The following DNM3 variants were observed in gnomAD, a reference collection of about 807,000 sequenced individuals.
DNM3 encodes dynamin-3.
Under a neutral mutation model 101.6 loss-of-function variants are expected in DNM3, and 47 were observed. That is an observed-to-expected ratio of 0.46 (90% confidence interval 0.37 to 0.59). The LOEUF (loss-of-function observed/expected upper bound fraction) is 0.59. Among genes scored for constraint, DNM3 ranks in the 20% least tolerant of loss-of-function variants. The pLI is 0.00. For synonymous variants in DNM3, 385 were observed against 387.9 expected (o/e 0.99, Z 0.09); for missense variants, 849 against 1,085.7 (o/e 0.78, Z 3.06).
intron 10 of DNM3, among the ~76,000 whole-genome samples, chr1:172,058,053 T>G (rs1359185669): frequency 5.0e-5 from 7 of 139,122 alleles, no homozygotes; most frequent in African/African-American, 1.7e-4. Flanking sequence ...TCCTAGTCTC[T>G]GATAAAACAG....
intron 1 of DNM3, among the ~76,000 whole-genome samples, chr1:171,887,655 A>G (rs900122769): frequency 3.9e-5 from 6 of 152,096 alleles, no homozygotes; most frequent in Admixed American, 6.5e-5. Flanking sequence ...TGACTGGATA[A>G]AATTCTTTCA....
chr1:172,210,768 A>G (rs1416436466), intron 14 of DNM3, among the ~76,000 whole-genome samples: 2 of 152,150 alleles, frequency 1.3e-5, no homozygotes, highest in Non-Finnish European at 2.9e-5. Flanking sequence ...AAAGCAGATA[A>G]CATATGTCTG....
At chr1:172,330,281 A>G (rs1390916903) in intron 17 of DNM3, among the ~76,000 whole-genome samples, 1 of 152,240 alleles carries the variant, frequency 6.6e-6, no homozygotes, top group Non-Finnish European at 1.5e-5. Flanking sequence ...TATTGATTCA[A>G]CAAAATGCTA....
At position 172,410,396 on chromosome 1, in the gene DNM3, T is replaced by G; in HGVS notation, c.*2555T>G. The G allele has an allele frequency of 6.1e-6, 6 of 985,186 alleles. No homozygotes were observed. Among genetic ancestry groups the G allele is most frequent in the Non-Finnish European group, 7.2e-6 (6 of 829,698 alleles). 61.0% of individuals were successfully genotyped at this position (985,186 alleles called of 1,614,324 possible). A position where few individuals can be genotyped will look rare whatever the true frequency, so the allele number is the denominator to read the frequency against. On this transcript the variant is annotated 3_prime_UTR_variant, in exon 21 of 21. Coordinates refer to ENST00000627582, the MANE Select transcript of DNM3 (RefSeq NM_015569.5). The stretch of plus-strand genomic sequence containing the variant: ...CTCTTAACTGATTGCTCTGATATTG[T>G]AAACACAATAGATGTAGCTCTATCA...
chr1:172,378,996 G>A, intron 17 of DNM3, 22 bp from the exon 18 acceptor site: 1 of 1,602,696 alleles, frequency 6.2e-7, no homozygotes, highest in Non-Finnish European at 8.5e-7. Context: ...GATAATCCAT[G>A]GTTTGTTTTC....
intron 1 of DNM3, among the ~76,000 whole-genome samples, chr1:171,852,024 G>A (rs2033038148): frequency 6.6e-6 from 1 of 152,108 alleles, no homozygotes; most frequent in African/African-American, 2.4e-5. Context: ...CTTTTTATTA[G>A]AGAAGACACA....
chr1:171,879,787 G>A (rs1005253008), intron 1 of DNM3, among the ~76,000 whole-genome samples: 2 of 152,186 alleles, frequency 1.3e-5, no homozygotes, highest in Non-Finnish European at 2.9e-5. Context: ...GTTGTCTTCT[G>A]GGATATTCTA....
intron 13 of DNM3, among the ~76,000 whole-genome samples, chr1:172,120,698 T>C (rs1306992664): frequency 6.6e-6 from 1 of 152,174 alleles, no homozygotes; most frequent in Non-Finnish European, 1.5e-5. Flanking sequence ...TGCCTTTTCT[T>C]ATACCCGGTG....
chr1:171,885,278 A>G (rs867799914), intron 1 of DNM3, among the ~76,000 whole-genome samples: 54 of 152,230 alleles, frequency 3.5e-4, no homozygotes, highest in African/African-American at 1.2e-3. Flanking sequence ...TAAGCAAAAC[A>G]TCAAAACATC....
intron 14 of DNM3, among the ~76,000 whole-genome samples, chr1:172,152,798 G>A (rs776466741): frequency 1.2e-4 from 19 of 152,110 alleles, no homozygotes; most frequent in Non-Finnish European, 2.4e-4. Context: ...TGTGCATGCG[G>A]ACAGAAACTG....
At chr1:172,401,273 C>T (rs2070465148) in intron 20 of DNM3, among the ~76,000 whole-genome samples, 1 of 152,158 alleles carries the variant, frequency 6.6e-6, no homozygotes, top group Non-Finnish European at 1.5e-5. Flanking sequence ...ATTCTTTTTA[C>T]AGATCATAAA....
chr1:172,073,292 CATATAAGT>C (rs958173535), intron 11 of DNM3, among the ~76,000 whole-genome samples: 4 of 132,434 alleles, frequency 3.0e-5, no homozygotes, highest in South Asian at 2.5e-4. Context: ...TATATATACA[CATATAAGT>C]ATATGTGTAC....
intron 12 of DNM3, among the ~76,000 whole-genome samples, chr1:172,083,280 G>A (rs549039569): frequency 2.0e-5 from 3 of 152,154 alleles, no homozygotes; most frequent in Non-Finnish European, 2.9e-5. Context: ...TAGTGGGTGG[G>A]GGGGGAATGT....
chr1:171,940,222 G>A (rs1334993075), intron 2 of DNM3, among the ~76,000 whole-genome samples: 1 of 152,102 alleles, frequency 6.6e-6, no homozygotes, highest in Non-Finnish European at 1.5e-5. Context: ...AATTGTGTTA[G>A]TTTAATATTA....
At chr1:172,390,678 A>T (rs542316985) in intron 20 of DNM3, among the ~76,000 whole-genome samples, 1 of 152,228 alleles carries the variant, frequency 6.6e-6, no homozygotes, top group Non-Finnish European at 1.5e-5. Context: ...GAATTTCCGC[A>T]TTGAGCCTTG....
chr1:171,937,533 C>T (rs2041521920), intron 2 of DNM3, among the ~76,000 whole-genome samples: 1 of 152,082 alleles, frequency 6.6e-6, no homozygotes, highest in African/African-American at 2.4e-5. Context: ...AGGTTTGATT[C>T]ATGAAGTCTG....
intron 2 of DNM3, among the ~76,000 whole-genome samples, chr1:171,965,940 G>A (rs1419932529): frequency 2.0e-5 from 3 of 151,332 alleles, no homozygotes; most frequent in African/African-American, 7.4e-5. Context: ...ACTTAGGTAT[G>A]GTTGAAAGGG....
chr1:171,871,592 T>A (rs530813583), intron 1 of DNM3, among the ~76,000 whole-genome samples: 1 of 152,204 alleles, frequency 6.6e-6, no homozygotes, highest in African/African-American at 2.4e-5. Flanking sequence ...TCCTCACAAA[T>A]TTTTTAATTG....
intron 17 of DNM3, among the ~76,000 whole-genome samples, chr1:172,344,428 T>C (rs1053187219): frequency 6.6e-6 from 1 of 152,236 alleles, no homozygotes; most frequent in East Asian, 1.9e-4. Flanking sequence ...TCTCTTTAAA[T>C]ATTGACACCT....
Sources: gnomAD v4.1 joint callset for allele counts (sites outside exome capture counted in the v4.1 genomes callset) on GRCh38, gnomAD v4.1.1 for gene constraint, MANE v1.5 for transcripts, NCBI Gene and HGNC (gene_info 2026-07-23, HGNC 2026-07-21) for gene names.